Variants in NBEA observed in about 807,000 individuals in gnomAD.
NBEA encodes lysosomal-trafficking regulator 2.
In NBEA, 44 loss-of-function variants were observed where a neutral mutation model predicts 343.4. That is an observed-to-expected ratio of 0.13 (90% confidence interval 0.10 to 0.16). The LOEUF (loss-of-function observed/expected upper bound fraction) is 0.16, where lower values mean the gene tolerates loss of function less well. Among genes scored for constraint, NBEA ranks in the 10% least tolerant of loss-of-function variants. NBEA has a pLI of 1.00. For synonymous variants in NBEA, 1,175 were observed against 1,238.7 expected (o/e 0.95, Z 1.08); for missense variants, 2,555 against 3,631.3 (o/e 0.70, Z 7.62).
chr13:35,201,746 T>C (rs1020627170), intron 31 of NBEA, among the ~76,000 whole-genome samples: 2 of 152,054 alleles, frequency 1.3e-5, no homozygotes, highest in Non-Finnish European at 2.9e-5. Context: ...ATGGGCTTAT[T>C]ATTAGTCCCC....
At chr13:35,003,413 G>A (rs2061212385) in intron 1 of NBEA, among the ~76,000 whole-genome samples, 1 of 152,088 alleles carries the variant, frequency 6.6e-6, no homozygotes, top group African/African-American at 2.4e-5. Flanking sequence ...AGGTTATAAT[G>A]TGGGAAAAAG....
chr13:35,103,586 T>C (rs1355535966), intron 11 of NBEA, among the ~76,000 whole-genome samples: 1 of 151,828 alleles, frequency 6.6e-6, no homozygotes, highest in Non-Finnish European at 1.5e-5. Flanking sequence ...ATCCTGTAAA[T>C]ACTAATTACT....
chr13:35,149,509 C>A (rs188562723), intron 18 of NBEA, among the ~76,000 whole-genome samples: 94 of 152,178 alleles, frequency 6.2e-4, no homozygotes, highest in African/African-American at 2.1e-3. Context: ...ATACATAATG[C>A]AAAAATGTCA....
intron 8 of NBEA, among the ~76,000 whole-genome samples, chr13:35,067,933 T>G (rs544697996): frequency 2.8e-4 from 43 of 151,972 alleles, no homozygotes; most frequent in Non-Finnish European, 5.7e-4. Context: ...ATGGGGTCTC[T>G]CTGTGTGTTG....
At chr13:35,504,311 C>G (rs1438211914) in intron 41 of NBEA, among the ~76,000 whole-genome samples, 1 of 152,144 alleles carries the variant, frequency 6.6e-6, no homozygotes, top group East Asian at 1.9e-4. Context: ...ACAAACTCTG[C>G]GTTTTGTGGC....
At chr13:35,572,196 C>G (rs369116676) in intron 45 of NBEA, among the ~76,000 whole-genome samples, 161 of 152,252 alleles carry the variant, frequency 1.1e-3, no homozygotes, top group African/African-American at 3.7e-3. Flanking sequence ...ATGGTGAAAT[C>G]TATCTTACAA....
intron 33 of NBEA, among the ~76,000 whole-genome samples, chr13:35,215,283 A>G (rs1012110122): frequency 1.3e-5 from 2 of 151,626 alleles, no homozygotes; most frequent in African/African-American, 2.4e-5. Flanking sequence ...ATTGTCATTC[A>G]TTGGGATCTT....
chr13:35,165,697 T>TC (rs1251683471), intron 24 of NBEA, among the ~76,000 whole-genome samples: 1 of 151,252 alleles, frequency 6.6e-6, no homozygotes, highest in East Asian at 1.9e-4. Context: ...TTCTTTTTTT[T>TC]TTTTTTTGAC....
chr13:34,990,738 CT>C (rs1398827879), intron 1 of NBEA, among the ~76,000 whole-genome samples: 12 of 152,282 alleles, frequency 7.9e-5, no homozygotes, highest in African/African-American at 2.2e-4. Flanking sequence ...ATGGGCTTTT[CT>C]TTTCTCCCTC....
chr13:35,156,062 GT>G lies in NBEA; in HGVS notation c.2528-13del, dbSNP rs781673009. 1.1e-5 allele frequency: 17 copies of G among 1,559,270 alleles called. No homozygotes were observed. The East Asian group carries it at 2.7e-4, about 25-fold the overall frequency. ...ATAGGATATGGTTACAAATCTACAA[GT>G]TTTTTTTCTTTGTTTACAGTGATTC... On this transcript the variant is annotated intron_variant, in intron 19 of 58. Coordinates refer to ENST00000379939, the MANE Select transcript of NBEA (RefSeq NM_001385012.1).
intron 41 of NBEA, among the ~76,000 whole-genome samples, chr13:35,510,993 CAT>C (rs1462213326): frequency 2.0e-5 from 3 of 151,988 alleles, no homozygotes; most frequent in Non-Finnish European, 4.4e-5. Flanking sequence ...TTTCAGATAA[CAT>C]AATAATAAGT....
At chr13:35,375,285 A>G (rs1283947286) in intron 38 of NBEA, among the ~76,000 whole-genome samples, 1 of 152,118 alleles carries the variant, frequency 6.6e-6, no homozygotes, top group Non-Finnish European at 1.5e-5. Flanking sequence ...GAAGCCTAAA[A>G]CATCTATTTT....
At chr13:35,016,510 C>T (rs777497084) in intron 1 of NBEA, among the ~76,000 whole-genome samples, 1 of 151,986 alleles carries the variant, frequency 6.6e-6, no homozygotes, top group South Asian at 2.1e-4. Flanking sequence ...ATCTATCAGG[C>T]ACTGAGGCAG....
At chr13:35,504,420 T>G (rs1439941764) in intron 41 of NBEA, among the ~76,000 whole-genome samples, 1 of 152,190 alleles carries the variant, frequency 6.6e-6, no homozygotes, top group Admixed American at 6.6e-5. Context: ...CTGTTTAGAT[T>G]GAGCATGCCC....
intron 8 of NBEA, among the ~76,000 whole-genome samples, chr13:35,063,548 C>G (rs780314618): frequency 1.3e-5 from 2 of 151,926 alleles, no homozygotes; most frequent in South Asian, 4.2e-4. Flanking sequence ...GGGGAAGAGT[C>G]AAGGAAGATT....
At chr13:35,183,830 A>G (rs2071488351) in intron 29 of NBEA, 146 bp from the exon 30 acceptor site, 4 of 559,568 alleles carry the variant, frequency 7.1e-6, no homozygotes, top group Admixed American at 3.6e-5. Context: ...CTCTTAATAC[A>G]TAAACTCTTT....
At chr13:35,453,356 C>T (rs561114420) in intron 40 of NBEA, among the ~76,000 whole-genome samples, 69 of 152,104 alleles carry the variant, frequency 4.5e-4, no homozygotes, top group Middle Eastern at 6.8e-3. Context: ...ACTATTTTTT[C>T]GATTTAAATG....
intron 34 of NBEA, among the ~76,000 whole-genome samples, chr13:35,271,568 A>T (rs545491745): frequency 6.6e-6 from 1 of 152,338 alleles, no homozygotes; most frequent in Admixed American, 6.5e-5. Flanking sequence ...GAGCTAAAAG[A>T]GCATGTTCTA....
intron 28 of NBEA, among the ~76,000 whole-genome samples, chr13:35,179,293 A>G (rs2071138036): frequency 6.6e-6 from 1 of 151,598 alleles, no homozygotes; most frequent in Non-Finnish European, 1.5e-5. Context: ...TATAAACCCA[A>G]TTAACACAAG....
Sources: allele counts gnomAD v4.1 joint callset (sites outside exome capture counted in the v4.1 genomes callset), GRCh38; gene constraint gnomAD v4.1.1; transcripts MANE v1.5; gene names NCBI Gene and HGNC (gene_info 2026-07-23, HGNC 2026-07-21).